ATP2C2: variants seen among roughly 807,000 people sequenced by gnomAD.
The protein encoded by ATP2C2 is ATPase secretory pathway Ca2+ transporting 2, also known as calcium-transporting ATPase type 2C member 2.
ATP2C2 carries 171 observed loss-of-function variants against 110.8 expected under a neutral mutation model. The observed-to-expected ratio is 1.54, with a 90% CI of 1.36 to 1.75. The LOEUF (loss-of-function observed/expected upper bound fraction) is 1.75. Among genes scored for constraint, ATP2C2 ranks in the 40% most tolerant of loss-of-function variants. ATP2C2 has a pLI of 0.00. For synonymous variants in ATP2C2, 804 were observed against 508.4 expected (o/e 1.58, Z -7.82); for missense variants, 1,963 against 1,235.0 (o/e 1.59, Z -8.84).
intron 4 of ATP2C2, among the ~76,000 whole-genome samples, chr16:84,409,671 T>A (rs754367778): frequency 1.3e-5 from 2 of 152,086 alleles, no homozygotes; most frequent in Non-Finnish European, 2.9e-5. Flanking sequence ...TTTTGCTAAT[T>A]TTTATATTTT....
chr16:84,439,721 G>A lies in ATP2C2; in HGVS notation c.1209+197G>A, dbSNP rs73245973. 1.9e-3 allele frequency among the ~76,000 whole-genome samples: 290 copies of A among 152,260 alleles called. 1 individual carries two copies. Among genetic ancestry groups the A allele is most frequent in the African/African-American group, 6.5e-3 (270 of 41,548 alleles). On this transcript the variant is annotated intron_variant, in intron 13 of 26. Transcript: ENST00000262429. ...CTTTTAATAGATATGACCAATTTAA[G>A]GTAGCCTCCTTTTTTAGTTACTTAT...
rs577115035 is a variant in ATP2C2, at chr16:84,376,195, C to A, written c.99+7481C>A. ...GTTTGGGTCAGCACATTTGAAACTTCCACAGGGGAGTTTGGAATGACCAAG... is the reference window on the plus strand; with the variant it reads ...GTTTGGGTCAGCACATTTGAAACTTACACAGGGGAGTTTGGAATGACCAAG... On this transcript the variant is annotated intron_variant, in intron 1 of 26. Transcript: ENST00000262429. Among the ~76,000 whole-genome samples the A allele has an allele frequency of 6.6e-5, 10 of 152,160 alleles. No homozygotes were observed. In the South Asian group the frequency reaches 2.1e-3, roughly 32 times the overall value.
chr16:84,421,717 G>C (rs1346747431), intron 7 of ATP2C2, among the ~76,000 whole-genome samples: 1 of 152,156 alleles, frequency 6.6e-6, no homozygotes, highest in African/African-American at 2.4e-5. Context: ...TCAAATCTCT[G>C]TTTTGCCACT....
At chr16:84,440,182 C>T (rs1334860495) in intron 13 of ATP2C2, among the ~76,000 whole-genome samples, 4 of 152,214 alleles carry the variant, frequency 2.6e-5, no homozygotes, top group African/African-American at 9.6e-5. Flanking sequence ...GCCCAGGTTG[C>T]AGTGCAGTGG....
chr16:84,433,007 G>T (rs1908415917), intron 11 of ATP2C2, among the ~76,000 whole-genome samples: 2 of 152,152 alleles, frequency 1.3e-5, no homozygotes, highest in Admixed American at 1.3e-4. Flanking sequence ...GGCAGGGGTG[G>T]CGGCAGGGAG....
intron 3 of ATP2C2, chr16:84,407,366 A>G: frequency 6.6e-6 from 1 of 152,624 alleles, no homozygotes; most frequent in Admixed American, 6.5e-5. Flanking sequence ...ACGGAAAGCC[A>G]TGTGAGGATG....
rs766403810 is a variant in ATP2C2, at chr16:84,422,440, A to C, written c.675A>C (p.Pro225=). 1 of 1,614,140 alleles carries C rather than the reference A, an allele frequency of 6.2e-7. No individual in the cohort carries two copies. Among genetic ancestry groups the C allele is most frequent in the South Asian group, 1.1e-5 (1 of 91,064 alleles). ...DESSFTGEAE[P]CSKTDSPLTG... ...CCAGTTTCACCGGGGAAGCCGAGCC[A>C]TGTAGTAAAACAGACAGCCCCTTGA... The change falls in exon 8 of 27, where the codon CCA becomes CCC. Residue 225 remains proline, a synonymous_variant. Transcript: ENST00000262429.
intron 2 of ATP2C2, among the ~76,000 whole-genome samples, chr16:84,403,568 G>A (rs1242338311): frequency 6.6e-6 from 1 of 152,144 alleles, no homozygotes; most frequent in Non-Finnish European, 1.5e-5. Context: ...TCAACCTCCT[G>A]AAGTTTTGGG....
intron 1 of ATP2C2, among the ~76,000 whole-genome samples, chr16:84,376,146 G>A (rs1284387132): frequency 4.6e-5 from 7 of 152,098 alleles, no homozygotes; most frequent in South Asian, 2.1e-4. Flanking sequence ...GACCCCTTGC[G>A]GCTTCCCAAC....
intron 6 of ATP2C2, among the ~76,000 whole-genome samples, chr16:84,412,040 G>A (rs553603291): frequency 1.3e-5 from 2 of 148,354 alleles, no homozygotes; most frequent in African/African-American, 2.5e-5. Flanking sequence ...GACAGGGTCT[G>A]GCTCTGTTGC....
At chr16:84,388,451 G>A (rs67286180) in intron 1 of ATP2C2, among the ~76,000 whole-genome samples, 1 of 152,184 alleles carries the variant, frequency 6.6e-6, no homozygotes, top group Non-Finnish European at 1.5e-5. Context: ...CCCAGGGTAG[G>A]GCCTGAGTTT....
intron 2 of ATP2C2, among the ~76,000 whole-genome samples, chr16:84,402,643 C>T (rs1648909974): frequency 2.6e-5 from 4 of 152,050 alleles, no homozygotes; most frequent in Admixed American, 2.6e-4. Context: ...GGATAAATTC[C>T]TTTTGGTCAT....
chr16:84,394,340 C>G (rs1433395598), intron 1 of ATP2C2, among the ~76,000 whole-genome samples: 3 of 152,058 alleles, frequency 2.0e-5, no homozygotes, highest in Non-Finnish European at 4.4e-5. Flanking sequence ...AAACCCTGTA[C>G]CCATTAGCAG....
chr16:84,438,889 TA>T lies in ATP2C2; in HGVS notation c.987-274del, dbSNP rs1051768468. On this transcript the variant is annotated intron_variant, in intron 11 of 26. Transcript: ENST00000262429. ...GAATAATGTCAATGCAAAATACTTTTAAAGAGGCAAAACAGCTGACAGACTA... is the reference window on the plus strand; with the variant it reads ...GAATAATGTCAATGCAAAATACTTTTAAGAGGCAAAACAGCTGACAGACTA... 106 of 307,828 alleles carry T rather than the reference TA, an allele frequency of 3.4e-4. 1 individual carries two copies. The highest frequency in any genetic ancestry group is 2.6e-3 in the Admixed American group (58 of 21,918). 19.1% of individuals were successfully genotyped at this position (307,828 alleles called of 1,614,324 possible). A position where few individuals can be genotyped will look rare whatever the true frequency, so the allele number is the denominator to read the frequency against.
chr16:84,410,958 C>G, intron 6 of ATP2C2, 193 bp downstream of exon 6: 3 of 614,712 alleles, frequency 4.9e-6, no homozygotes, highest in Non-Finnish European at 5.8e-6. Context: ...CACTCAACCT[C>G]TCTGGGCCTC....
chr16:84,462,264 A>C, intron 26 of ATP2C2, 135 bp downstream of exon 26: 3 of 1,203,028 alleles, frequency 2.5e-6, no homozygotes, highest in Admixed American at 2.4e-5. Flanking sequence ...CTCTGTCTTC[A>C]GGGCCCTTCT....
intron 21 of ATP2C2, among the ~76,000 whole-genome samples, chr16:84,455,654 A>G (rs966484406): frequency 2.0e-5 from 3 of 152,172 alleles, no homozygotes; most frequent in African/African-American, 7.2e-5. Flanking sequence ...GCCTGATACA[A>G]AAAATCCAAA....
At chr16:84,428,891 CT>C (rs1322575853) in intron 11 of ATP2C2, among the ~76,000 whole-genome samples, 1 of 152,188 alleles carries the variant, frequency 6.6e-6, no homozygotes. Flanking sequence ...GACTTTCCCC[CT>C]AGACCTGTTT....
intron 23 of ATP2C2, 78 bp downstream of exon 23, chr16:84,459,464 C>G (rs775137016): frequency 3.7e-6 from 6 of 1,603,970 alleles, no homozygotes; most frequent in East Asian, 4.5e-5. Flanking sequence ...TGGCTGTGCC[C>G]CAAGGCTATA....
Sources: allele counts gnomAD v4.1 joint callset (sites outside exome capture counted in the v4.1 genomes callset), GRCh38; gene constraint gnomAD v4.1.1; transcripts MANE v1.5; gene names NCBI Gene and HGNC (gene_info 2026-07-23, HGNC 2026-07-21).